Variants in POC5 observed in about 807,000 individuals in gnomAD.
The protein encoded by POC5 is centrosomal protein POC5.
In POC5, 48 loss-of-function variants were observed where a neutral mutation model predicts 62.9. The observed-to-expected ratio is 0.76, with a 90% CI of 0.61 to 0.97. POC5 has a LOEUF of 0.97. Among genes scored for constraint, POC5 ranks in the 50% least tolerant of loss-of-function variants. The pLI is 0.00. For synonymous variants in POC5, 236 were observed against 228.2 expected, an observed-to-expected ratio of 1.03 and a Z score of -0.31; for missense variants, 696 against 679.5, an observed-to-expected ratio of 1.02 and a Z score of -0.27.
At chr5:75,714,336 C>T (rs1471749238) in intron 1 of POC5, among the ~76,000 whole-genome samples, 5 of 151,910 alleles carry the variant, frequency 3.3e-5, no homozygotes, top group East Asian at 1.9e-4. Flanking sequence ...GAGCCAAGAT[C>T]GCACCACTGC....
At chr5:75,677,666 C>T (rs1775720509) in intron 11 of POC5, 108 bp downstream of exon 11, 1 of 796,132 alleles carries the variant, frequency 1.3e-6, no homozygotes, top group Non-Finnish European at 1.7e-6. Flanking sequence ...GAACAAGTAC[C>T]AGTCATCATA....
chr5:75,693,033 TTATA>T (rs960798547), intron 6 of POC5, among the ~76,000 whole-genome samples: 18 of 147,244 alleles, frequency 1.2e-4, no homozygotes, highest in African/African-American at 4.0e-4. Context: ...TAACTATATA[TTATA>T]TATGTTATAT....
intron 4 of POC5, among the ~76,000 whole-genome samples, chr5:75,703,125 A>G (rs1360128492): frequency 2.0e-5 from 3 of 152,214 alleles, no homozygotes; most frequent in African/African-American, 7.2e-5. Context: ...TCATATCACC[A>G]TTAATGAAGT....
At chr5:75,678,291 C>T (rs752215435) in intron 10 of POC5, among the ~76,000 whole-genome samples, 7 of 151,972 alleles carry the variant, frequency 4.6e-5, no homozygotes, top group Admixed American at 2.6e-4. Flanking sequence ...TTACATCTGA[C>T]ATAATTAGAA....
intron 11 of POC5, among the ~76,000 whole-genome samples, chr5:75,676,503 A>AT (rs1297936890): frequency 5.9e-5 from 9 of 152,134 alleles, no homozygotes; most frequent in African/African-American, 1.9e-4. Context: ...GTTCAAATCA[A>AT]TCCAGCTTGT....
chr5:75,693,080 A>G (rs943288013), intron 6 of POC5, among the ~76,000 whole-genome samples: 1 of 141,062 alleles, frequency 7.1e-6, no homozygotes, highest in Non-Finnish European at 1.6e-5. Context: ...ACATATAACT[A>G]TTAATAACAT....
At chr5:75,710,205 A>G (rs1777286731) in intron 2 of POC5, among the ~76,000 whole-genome samples, 1 of 152,160 alleles carries the variant, frequency 6.6e-6, no homozygotes, top group South Asian at 2.1e-4. Context: ...TGAGAGACAG[A>G]ATGAAACTGT....
At chr5:75,712,765 GA>G (rs2112217338) in intron 2 of POC5, 88 bp downstream of exon 2, 3 of 1,051,192 alleles carry the variant, frequency 2.9e-6, no homozygotes, top group Non-Finnish European at 4.2e-6. Context: ...GTAAATGGAT[GA>G]AAAAATTATT....
At position 75,702,761 on chromosome 5, in the gene POC5, A is replaced by G. The variant is rs1382137435; in HGVS notation, c.357T>C (p.Asp119=). 1.9e-5 allele frequency: 31 copies of G among 1,597,038 alleles called. No homozygotes were observed. The highest frequency in any genetic ancestry group is 2.6e-5 in the Non-Finnish European group (30 of 1,171,182). ...SPRKPSHPVM[D]FFSSHLLADS... is the part of the protein sequence containing the mutation. ...CAGCTAAAAGATGTGAACTGAAAAA[A>G]TCCATGACTGGGTGAGAAGGCTTCC... The change falls in exon 5 of 12, where the codon GAT becomes GAC. Residue 119 remains aspartate (D), a synonymous_variant. Coordinates refer to ENST00000428202, the MANE Select transcript of POC5 (RefSeq NM_001099271.2).
Position 75,699,099 on chromosome 5 carries a change from C to T in POC5, c.513+3506G>A, listed in dbSNP as rs533951083. Among the ~76,000 whole-genome samples, 960 of 152,232 alleles carry T rather than the reference C, an allele frequency of 6.3e-3. 14 individuals are homozygous for T. Among genetic ancestry groups the T allele is most frequent in the African/African-American group, 0.022 (921 of 41,522 alleles). The stretch of plus-strand genomic sequence containing the variant: ...CAATAGCTTACCAATGAAAAAGAGT[C>T]CAGGACCAGATGGATTCACAGCTGA... On this transcript the variant is annotated intron_variant, in intron 5 of 11. Transcript: ENST00000428202.
At chr5:75,699,921 A>G (rs1776793474) in intron 5 of POC5, among the ~76,000 whole-genome samples, 1 of 151,898 alleles carries the variant, frequency 6.6e-6, no homozygotes, top group Admixed American at 6.6e-5. Flanking sequence ...TTATACATCA[A>G]CAACAGACAA....
chr5:75,689,824 G>GT (rs1776248008), intron 8 of POC5: 1 of 235,474 alleles, frequency 4.2e-6, no homozygotes, highest in South Asian at 1.6e-4. Context: ...AATTCCAAAT[G>GT]TTTTCCCATG....
intron 5 of POC5, among the ~76,000 whole-genome samples, chr5:75,698,078 G>A (rs1213899213): frequency 2.1e-5 from 3 of 143,708 alleles, no homozygotes; most frequent in Admixed American, 7.0e-5. Context: ...CAAGTCCTGA[G>A]TGACCTACAA....
chr5:75,707,948 T>C, intron 2 of POC5, 73 bp from the exon 3 acceptor site: 1 of 1,320,188 alleles, frequency 7.6e-7, no homozygotes. Context: ...GAATTTGTTT[T>C]AAAGAAATTT....
chr5:75,685,012 C>T (rs1212295402), intron 10 of POC5, among the ~76,000 whole-genome samples, 195 bp downstream of exon 10: 6 of 151,876 alleles, frequency 4.0e-5, no homozygotes, highest in South Asian at 2.1e-4. Flanking sequence ...GGACTACAGG[C>T]GGCTGCCACC....
At chr5:75,712,812 A>G (rs1207128938) in intron 2 of POC5, 42 bp downstream of exon 2, 2 of 1,419,494 alleles carry the variant, frequency 1.4e-6, no homozygotes, top group East Asian at 2.4e-5. Context: ...TCATTTGTTT[A>G]AAATAAAAAA....
intron 6 of POC5, among the ~76,000 whole-genome samples, chr5:75,694,049 C>G (rs968623341): frequency 6.6e-6 from 1 of 152,132 alleles, no homozygotes; most frequent in Non-Finnish European, 1.5e-5. Context: ...GTGGTATGCA[C>G]TTGCAGTCCC....
chr5:75,677,733 A>G lies in POC5; in HGVS notation c.1584+41T>C, dbSNP rs764393533. On this transcript the variant is annotated intron_variant, in intron 11 of 11. Transcript: ENST00000428202. ...GTTTACTAGTCTATGAACTCTCAGG[A>G]AAAAGACTTTTTGACAAAAGGTCAT... The G allele has an allele frequency of 2.0e-6, 3 of 1,497,102 alleles. No individual in the cohort carries two copies. In the Admixed American group the frequency reaches 6.5e-5, roughly 32 times the overall value. The allele number at this position is 1,497,102 out of a possible 1,614,324, so 92.7% of individuals were successfully genotyped here.
chr5:75,694,345 A>T (rs552247996), intron 6 of POC5, among the ~76,000 whole-genome samples: 40 of 151,802 alleles, frequency 2.6e-4, no homozygotes, highest in African/African-American at 4.3e-4. Context: ...TACTCTTTTT[A>T]AAAAAAAATT....
Sources: allele counts gnomAD v4.1 joint callset (sites outside exome capture counted in the v4.1 genomes callset), GRCh38; gene constraint gnomAD v4.1.1; transcripts MANE v1.5; gene names NCBI Gene and HGNC (gene_info 2026-07-23, HGNC 2026-07-21).